Variants in MCF2L observed in about 807,000 individuals in gnomAD.
MCF2L encodes MCF.2 cell line derived transforming sequence like.
In MCF2L, 97 loss-of-function variants were observed where a neutral mutation model predicts 153.4. The ratio of observed to expected loss-of-function variants is 0.63; its 90% confidence interval spans 0.54 to 0.75. The LOEUF (loss-of-function observed/expected upper bound fraction) is 0.75, where lower values mean the gene tolerates loss of function less well. MCF2L is among the 30% of genes least tolerant of loss of function. The pLI, the probability that MCF2L is intolerant of heterozygous loss-of-function variation, is 0.00. For synonymous variants in MCF2L, 659 were observed against 632.2 expected, an observed-to-expected ratio of 1.04 and a Z score of -0.64; for missense variants, 1,347 against 1,495.2, an observed-to-expected ratio of 0.90 and a Z score of 1.64.
Position 113,038,358 on chromosome 13 carries a change from G to A in MCF2L, c.279-6913G>A, listed in dbSNP as rs542675949. ...TGGGCACCTGTAGTCCCAGCTACTC[G>A]GGAGGCTGAGGCAGGAGAATGGCCT... On this transcript the variant is annotated intron_variant, in intron 3 of 29. Transcript: ENST00000535094. Among the ~76,000 whole-genome samples, 264 of 151,936 alleles carry A rather than the reference G, an allele frequency of 1.7e-3. 2 individuals are homozygous for A. Among genetic ancestry groups the A allele is most frequent in the African/African-American group, 6.1e-3 (252 of 41,430 alleles).
At chr13:113,088,813 C>T (rs796101931) in intron 25 of MCF2L, among the ~76,000 whole-genome samples, 185 bp downstream of exon 25, 1 of 152,234 alleles carries the variant, frequency 6.6e-6, no homozygotes, top group South Asian at 2.1e-4. Flanking sequence ...TGTGTGCCTC[C>T]GACAATGCCC....
At chr13:113,086,673 G>A (rs1463242576) in intron 21 of MCF2L, among the ~76,000 whole-genome samples, 1 of 152,126 alleles carries the variant, frequency 6.6e-6, no homozygotes, top group Non-Finnish European at 1.5e-5. Context: ...TCCCCGTAGA[G>A]CCCCACATCA....
chr13:112,949,412 A>G (rs960070011), intron 2 of MCF2L, among the ~76,000 whole-genome samples: 2 of 152,176 alleles, frequency 1.3e-5, no homozygotes, highest in African/African-American at 4.8e-5. Context: ...TGATACCAAA[A>G]CCAGACAAAA....
intron 3 of MCF2L, among the ~76,000 whole-genome samples, chr13:113,036,138 G>A (rs191118750): frequency 6.6e-6 from 1 of 152,290 alleles, no homozygotes; most frequent in East Asian, 1.9e-4. Flanking sequence ...TCCATGCCCA[G>A]AGGCACCTCA....
At chr13:112,953,174 A>G (rs1206887308) in intron 2 of MCF2L, among the ~76,000 whole-genome samples, 6 of 152,110 alleles carry the variant, frequency 3.9e-5, no homozygotes, top group African/African-American at 1.4e-4. Flanking sequence ...TGGAATCAGT[A>G]TTTACTTGGT....
chr13:113,082,558 C>T lies in MCF2L; in HGVS notation c.1991+16C>T, dbSNP rs368885791. 6.3e-4 allele frequency: 964 copies of T among 1,533,160 alleles called. No homozygotes were observed. Among genetic ancestry groups the T allele is most frequent in the Non-Finnish European group, 8.1e-4 (895 of 1,107,702 alleles). 95.0% of individuals were successfully genotyped at this position (1,533,160 alleles called of 1,614,324 possible). On this transcript the variant is annotated intron_variant, in intron 17 of 29. Coordinates refer to ENST00000535094, the MANE Select transcript of MCF2L (RefSeq NM_001112732.3). ...TCCACAACAGGTGGGCCCTTCCCCCCGACACAGGCACGCACCCGTGATCTC... is the reference window on the plus strand; with the variant it reads ...TCCACAACAGGTGGGCCCTTCCCCCTGACACAGGCACGCACCCGTGATCTC...
chr13:112,917,106 G>A (rs2081300590), intron 2 of MCF2L: 1 of 471,210 alleles, frequency 2.1e-6, no homozygotes, highest in South Asian at 1.5e-5. Context: ...CTCTCCATCT[G>A]TACTCAGCCC....
chr13:112,913,101 CTG>C (rs2081251980), intron 2 of MCF2L, among the ~76,000 whole-genome samples: 2 of 146,286 alleles, frequency 1.4e-5, no homozygotes, highest in Non-Finnish European at 1.5e-5. Flanking sequence ...TGGTCTATTT[CTG>C]TGTCTGTATG....
intron 16 of MCF2L, among the ~76,000 whole-genome samples, chr13:113,081,626 C>G (rs924069852): frequency 6.6e-6 from 1 of 152,248 alleles, no homozygotes; most frequent in African/African-American, 2.4e-5. Flanking sequence ...CAAAACTCGT[C>G]GGAGGTGGGA....
chr13:112,927,887 C>G (rs559380635), intron 2 of MCF2L, among the ~76,000 whole-genome samples: 7 of 152,182 alleles, frequency 4.6e-5, no homozygotes, highest in Non-Finnish European at 2.9e-5. Context: ...AGCAAGAAAA[C>G]CTGTCTATCA....
At chr13:112,911,542 A>G (rs2081232756) in intron 2 of MCF2L, among the ~76,000 whole-genome samples, 1 of 152,118 alleles carries the variant, frequency 6.6e-6, no homozygotes, top group Non-Finnish European at 1.5e-5. Context: ...GCTCCTCTGA[A>G]ACCCTCCCTC....
chr13:112,988,407 C>G (rs2082736938), intron 1 of MCF2L, among the ~76,000 whole-genome samples: 1 of 152,184 alleles, frequency 6.6e-6, no homozygotes, highest in Non-Finnish European at 1.5e-5. Flanking sequence ...TGAACCTTTC[C>G]CTGCGGAGCT....
At chr13:113,024,568 A>G (rs1217158539) in intron 2 of MCF2L, 76 bp from the exon 3 acceptor site, 5 of 870,006 alleles carry the variant, frequency 5.7e-6, no homozygotes, top group Non-Finnish European at 7.7e-6. Flanking sequence ...GGTGCTGATG[A>G]AAACGGGCCG....
chr13:113,064,533 G>T lies in MCF2L; in HGVS notation c.606+113G>T, dbSNP rs755968688. The T allele has an allele frequency of 1.4e-6, 1 of 692,890 alleles. No homozygotes were observed. Among genetic ancestry groups the T allele is most frequent in the East Asian group, 2.7e-5 (1 of 36,578 alleles). 42.9% of individuals were successfully genotyped at this position (692,890 alleles called of 1,614,324 possible). A position where few individuals can be genotyped will look rare whatever the true frequency, so the allele number is the denominator to read the frequency against. ...CAAAAACACATTCACATTAACAGTC[G>T]TTTTCTTTCCCAAGAATGAGGAGAT... On this transcript the variant is annotated intron_variant, in intron 6 of 29. Coordinates refer to ENST00000535094, the MANE Select transcript of MCF2L (RefSeq NM_001112732.3). The surrounding 1 kb of genome is among the most constrained non-coding windows in gnomAD (Gnocchi z 6.0).
chr13:113,000,844 C>T (rs966512532), intron 1 of MCF2L, among the ~76,000 whole-genome samples: 3 of 147,886 alleles, frequency 2.0e-5, no homozygotes, highest in African/African-American at 7.4e-5. Flanking sequence ...AGGGACATAG[C>T]AGGCCGGGGT....
At chr13:112,988,729 G>A (rs1236725921) in intron 1 of MCF2L, among the ~76,000 whole-genome samples, 4 of 143,282 alleles carry the variant, frequency 2.8e-5, no homozygotes, top group African/African-American at 7.9e-5. Flanking sequence ...AGGGGATGGA[G>A]CTACCACACC....
intron 5 of MCF2L, 133 bp downstream of exon 5, chr13:113,060,845 C>A: frequency 8.1e-7 from 1 of 1,240,364 alleles, no homozygotes; most frequent in East Asian, 2.5e-5. Flanking sequence ...CAGGACCTGG[C>A]GGGAAGTTGC....
chr13:113,055,647 G>A (rs932253595), intron 4 of MCF2L, among the ~76,000 whole-genome samples: 9 of 152,336 alleles, frequency 5.9e-5, no homozygotes, highest in East Asian at 1.9e-4. Context: ...GCCCTGGGGC[G>A]TCCCACTCTT....
chr13:112,979,603 T>A lies in MCF2L; in HGVS notation c.79+10145T>A. The A allele has an allele frequency of 1.9e-6, 3 of 1,605,878 alleles. No individual in the cohort carries two copies. The Admixed American group carries it at 5.1e-5, about 27-fold the overall frequency. ...GGCTCTAGCATCAGGGGGTCGCCTGTGGTCCCTGCGTGAAGAACCAGAGCT... is the reference window on the plus strand; with the variant it reads ...GGCTCTAGCATCAGGGGGTCGCCTGAGGTCCCTGCGTGAAGAACCAGAGCT... On this transcript the variant is annotated intron_variant, in intron 1 of 29. Coordinates refer to ENST00000535094, the MANE Select transcript of MCF2L (RefSeq NM_001112732.3).
Sources: allele counts gnomAD v4.1 joint callset (sites outside exome capture counted in the v4.1 genomes callset), GRCh38; gene constraint gnomAD v4.1.1; non-coding constraint Gnocchi (gnomAD v3.1); transcripts MANE v1.5; gene names NCBI Gene and HGNC (gene_info 2026-07-23, HGNC 2026-07-21).